The following TNIK variants were observed in gnomAD, a reference collection of about 807,000 sequenced individuals.
TNIK encodes TRAF2 and NCK-interacting protein kinase.
TNIK carries 49 observed loss-of-function variants against 191.3 expected under a neutral mutation model. The observed-to-expected ratio is 0.26, with a 90% CI of 0.20 to 0.32. The LOEUF is 0.32. TNIK is among the 10% of genes least tolerant of loss of function. The pLI is 1.00. For synonymous variants in TNIK, 594 were observed against 600.9 expected, an observed-to-expected ratio of 0.99 and a Z score of 0.17; for missense variants, 1,155 against 1,702.3, an observed-to-expected ratio of 0.68 and a Z score of 5.66.
chr3:171,102,249 GAAC>G (rs143649524), intron 21 of TNIK, among the ~76,000 whole-genome samples: 3,848 of 152,150 alleles, frequency 0.025, 63 homozygotes, highest in Non-Finnish European at 0.041. Context: ...TAATCAAGAG[GAAC>G]AACAACAACA....
At chr3:171,118,930 T>C (rs543305386) in intron 18 of TNIK, among the ~76,000 whole-genome samples, 10 of 152,220 alleles carry the variant, frequency 6.6e-5, no homozygotes, top group African/African-American at 2.4e-4. Context: ...AAAGCCAAAA[T>C]TGACAAATGG....
chr3:171,456,293 G>A (rs1231225532), intron 1 of TNIK, among the ~76,000 whole-genome samples: 1 of 152,168 alleles, frequency 6.6e-6, no homozygotes, highest in African/African-American at 2.4e-5. Flanking sequence ...GCACACTGGT[G>A]GCAACTTTCA....
chr3:171,440,985 G>C (rs1025984786), intron 1 of TNIK, among the ~76,000 whole-genome samples: 1 of 152,112 alleles, frequency 6.6e-6, no homozygotes, highest in Non-Finnish European at 1.5e-5. Flanking sequence ...AATGATTATC[G>C]TTATGTTTGT....
intron 2 of TNIK, among the ~76,000 whole-genome samples, chr3:171,288,309 AAAGTAT>A (rs1241678393): frequency 2.1e-4 from 31 of 150,856 alleles, no homozygotes; most frequent in Non-Finnish European, 3.5e-4. Context: ...CCTAAAACTT[AAAGTAT>A]AATTTAAAAA....
At chr3:171,459,904 C>T in intron 1 of TNIK, 103 bp downstream of exon 1, 1 of 1,375,978 alleles carries the variant, frequency 7.3e-7, no homozygotes, top group Non-Finnish European at 1.0e-6. Flanking sequence ...ACGCATTCTC[C>T]CGCTGCTGTC....
At chr3:171,223,039 G>C (rs1027918708) in intron 3 of TNIK, among the ~76,000 whole-genome samples, 2 of 152,198 alleles carry the variant, frequency 1.3e-5, no homozygotes, top group African/African-American at 4.8e-5. Flanking sequence ...TAAAAACCTT[G>C]TAAACTCCTT....
At chr3:171,289,071 G>A (rs1216416276) in intron 2 of TNIK, among the ~76,000 whole-genome samples, 2 of 152,122 alleles carry the variant, frequency 1.3e-5, no homozygotes, top group African/African-American at 4.8e-5. Flanking sequence ...ACACTTCCGA[G>A]AGCAGCAGAA....
intron 1 of TNIK, among the ~76,000 whole-genome samples, chr3:171,389,837 G>C (rs1719230566): frequency 6.6e-6 from 1 of 152,162 alleles, no homozygotes; most frequent in Admixed American, 6.5e-5. Context: ...AGACATAAAA[G>C]CCGTTCATTA....
chr3:171,391,186 T>A (rs1258965521), intron 1 of TNIK, among the ~76,000 whole-genome samples: 1 of 152,234 alleles, frequency 6.6e-6, no homozygotes, highest in African/African-American at 2.4e-5. Flanking sequence ...TTGTCTTTCA[T>A]CTAGACTGTA....
chr3:171,302,402 T>C (rs1752983172), intron 2 of TNIK, among the ~76,000 whole-genome samples: 2 of 152,166 alleles, frequency 1.3e-5, no homozygotes, highest in African/African-American at 2.4e-5. Context: ...TTCTCACTTG[T>C]TATATAGACC....
chr3:171,104,702 T>G (rs1020822833), intron 21 of TNIK, among the ~76,000 whole-genome samples: 1 of 151,976 alleles, frequency 6.6e-6, no homozygotes, highest in Non-Finnish European at 1.5e-5. Flanking sequence ...GTTTAAAAAT[T>G]TTTAGCTTTT....
In TNIK at chr3:171,366,376, T is replaced by G. The variant is rs1033025120; in HGVS notation, c.123+3244A>C. On this transcript the variant is annotated intron_variant, in intron 2 of 32. Coordinates refer to ENST00000436636, the MANE Select transcript of TNIK (RefSeq NM_015028.4). The surrounding 1 kb of genome is among the most constrained non-coding windows in gnomAD (Gnocchi z 4.1). ...AATAAGCTAAAATTGGGAGTAAGACTAGAAGCAACTTTGAAAAACTAAACA... is the reference window on the plus strand; with the variant it reads ...AATAAGCTAAAATTGGGAGTAAGACGAGAAGCAACTTTGAAAAACTAAACA... Among the ~76,000 whole-genome samples the G allele has an allele frequency of 3.9e-5, 6 of 152,312 alleles. No individual in the cohort carries two copies. Among genetic ancestry groups the G allele is most frequent in the Non-Finnish European group, 7.4e-5 (5 of 68,022 alleles).
At chr3:171,243,297 T>C (rs544775454) in intron 2 of TNIK, among the ~76,000 whole-genome samples, 18 of 152,310 alleles carry the variant, frequency 1.2e-4, no homozygotes, top group African/African-American at 4.3e-4. Flanking sequence ...AAAAATTTCC[T>C]GAAAGGGCAT....
At chr3:171,163,707 A>G (rs1266687632) in intron 10 of TNIK, among the ~76,000 whole-genome samples, 1 of 152,250 alleles carries the variant, frequency 6.6e-6, no homozygotes, top group Non-Finnish European at 1.5e-5. Flanking sequence ...TATCTAATAA[A>G]GGAAATTACA....
intron 1 of TNIK, among the ~76,000 whole-genome samples, chr3:171,421,267 G>A (rs1723756167): frequency 6.6e-6 from 1 of 152,134 alleles, no homozygotes; most frequent in Non-Finnish European, 1.5e-5. Flanking sequence ...TCCACTCCCT[G>A]CAGACACACA....
chr3:171,452,813 A>G (rs1018273615), intron 1 of TNIK, among the ~76,000 whole-genome samples: 1 of 151,758 alleles, frequency 6.6e-6, no homozygotes, highest in African/African-American at 2.4e-5. Context: ...TAAATCTCTC[A>G]AAACTTAGAA....
chr3:171,171,493 C>T (rs1735274447), intron 9 of TNIK, among the ~76,000 whole-genome samples: 1 of 152,250 alleles, frequency 6.6e-6, no homozygotes. Flanking sequence ...TGCACACCTG[C>T]ATCTGAAGCA....
At chr3:171,068,761 T>C in intron 30 of TNIK, 87 bp downstream of exon 30, 1 of 1,367,040 alleles carries the variant, frequency 7.3e-7, no homozygotes, top group East Asian at 2.6e-5. Flanking sequence ...TGTGCATGAC[T>C]TCTACTAAAA....
At chr3:171,336,421 C>T (rs1426669248) in intron 2 of TNIK, among the ~76,000 whole-genome samples, 1 of 152,178 alleles carries the variant, frequency 6.6e-6, no homozygotes, top group Non-Finnish European at 1.5e-5. Context: ...TCTCCCTCCT[C>T]TCTCTCAGGG....
Sources: gnomAD v4.1 joint callset for allele counts (sites outside exome capture counted in the v4.1 genomes callset) on GRCh38, gnomAD v4.1.1 for gene constraint, Gnocchi (gnomAD v3.1) non-coding constraint, MANE v1.5 for transcripts, NCBI Gene and HGNC (gene_info 2026-07-23, HGNC 2026-07-21) for gene names.